The following CR1 variants were observed in gnomAD, a reference collection of about 807,000 sequenced individuals.
The protein encoded by CR1 is complement receptor type 1.
A neutral mutation model predicts 187.3 loss-of-function variants in CR1; 116 were observed. The observed-to-expected ratio is 0.62, with a 90% CI of 0.53 to 0.72. The LOEUF is 0.72. Among genes scored for constraint, CR1 ranks in the 30% least tolerant of loss-of-function variants. CR1 has a pLI of 0.00. For synonymous variants in CR1, 576 were observed against 747.1 expected (o/e 0.77, Z 3.73); for missense variants, 1,731 against 2,110.7 (o/e 0.82, Z 3.52).
Position 207,588,737 on chromosome 1 carries a change from C to T in CR1, c.5773C>T (p.Gln1925Ter), listed in dbSNP as rs756008385. The T allele has an allele frequency of 1.3e-5, 21 of 1,611,944 alleles. No individual in the cohort carries two copies. The South Asian group carries it at 2.3e-4, about 18-fold the overall frequency. Residue 1925 changes from glutamine to a stop codon, truncating the protein, a stop_gained, in exon 35 of 47, where the codon CAG (glutamine) becomes TAG (stop). Coordinates refer to ENST00000367049, the MANE Select transcript of CR1 (RefSeq NM_000651.6). LOFTEE classifies it high-confidence loss of function. The part of the protein sequence containing the change: ...NGMVHINTDT[Q>*]FGSTVNYSCN... ...AATGGTGCATATAAACACAGATACA[C>T]AGTTTGGATCAACAGTTAATTATTC...
At chr1:207,628,432 C>T (rs1311764017) in intron 45 of CR1, among the ~76,000 whole-genome samples, 1 of 152,144 alleles carries the variant, frequency 6.6e-6, no homozygotes, top group Non-Finnish European at 1.5e-5. Flanking sequence ...AAAGAGTTAA[C>T]ATGTTTATTT....
At chr1:207,517,316 T>C (rs539853549) in intron 4 of CR1, among the ~76,000 whole-genome samples, 1 of 152,210 alleles carries the variant, frequency 6.6e-6, no homozygotes, top group East Asian at 1.9e-4. Context: ...ATATTTTTAT[T>C]GTAACATTGT....
chr1:207,600,308 T>C (rs1272859225), intron 35 of CR1, among the ~76,000 whole-genome samples: 1 of 152,184 alleles, frequency 6.6e-6, no homozygotes, highest in Non-Finnish European at 1.5e-5. Context: ...TAATAATAGT[T>C]GAAAACTTCA....
intron 44 of CR1, 53 bp downstream of exon 44, chr1:207,622,049 A>G (rs1160037434): frequency 3.6e-6 from 5 of 1,401,852 alleles, no homozygotes; most frequent in Non-Finnish European, 5.0e-6. Flanking sequence ...AACAGTAAGT[A>G]CCTACCTATA....
intron 5 of CR1, among the ~76,000 whole-genome samples, chr1:207,526,505 T>C (rs547179767): frequency 6.6e-6 from 1 of 151,398 alleles, no homozygotes; most frequent in Admixed American, 6.5e-5. Flanking sequence ...CTTAGTTGCA[T>C]ACTTTAGATG....
At chr1:207,628,442 T>C (rs1662545907) in intron 45 of CR1, among the ~76,000 whole-genome samples, 1 of 152,234 alleles carries the variant, frequency 6.6e-6, no homozygotes. Flanking sequence ...CATGTTTATT[T>C]ATAGGTTTAT....
At chr1:207,609,091 T>C (rs866824997) in intron 36 of CR1, among the ~76,000 whole-genome samples, 199 bp from the exon 37 acceptor site, 5 of 152,132 alleles carry the variant, frequency 3.3e-5, no homozygotes, top group African/African-American at 1.2e-4. Context: ...TTGTGAAATA[T>C]GAGCAGAACC....
intron 35 of CR1, among the ~76,000 whole-genome samples, chr1:207,594,413 T>C (rs1196253460): frequency 6.6e-6 from 1 of 152,044 alleles, no homozygotes; most frequent in African/African-American, 2.4e-5. Context: ...TGAGAACACA[T>C]GGACACACCG....
chr1:207,632,376 G>T (rs190987919), intron 46 of CR1, among the ~76,000 whole-genome samples: 20 of 152,214 alleles, frequency 1.3e-4, no homozygotes, highest in Non-Finnish European at 2.2e-4. Context: ...TGGTTTCCTA[G>T]AGAATATATT....
rs181539281 is a variant in CR1, at chr1:207,621,768, G to A, written c.7253-205G>A. On this transcript the variant is annotated intron_variant, in intron 43 of 46. Coordinates refer to ENST00000367049, the MANE Select transcript of CR1 (RefSeq NM_000651.6). ...GTATTATAAATTTTCTTCTGTAATT[G>A]TATTAATAATAATTTTTAAAAGTCT... 1.8e-3 allele frequency among the ~76,000 whole-genome samples: 271 copies of A among 152,280 alleles called. 1 individual carries two copies. The highest frequency in any genetic ancestry group is 6.3e-3 in the African/African-American group (262 of 41,556).
intron 35 of CR1, among the ~76,000 whole-genome samples, chr1:207,590,760 G>A (rs530665874): frequency 2.0e-5 from 3 of 152,206 alleles, no homozygotes; most frequent in Non-Finnish European, 4.4e-5. Flanking sequence ...TAAAGGGATG[G>A]AGGAATATTT....
chr1:207,639,381 C>T lies in CR1; in HGVS notation c.7458-16C>T, dbSNP rs753690009. On this transcript the variant is annotated splice_polypyrimidine_tract_variant and intron_variant, in intron 46 of 46. Coordinates refer to ENST00000367049, the MANE Select transcript of CR1 (RefSeq NM_000651.6). ...TACCATGCTGTTAATTAAATGAAAA[C>T]ATCCTGTTATTTCAGGGTCCTTCCT... The T allele has an allele frequency of 1.1e-5, 18 of 1,596,260 alleles. No homozygotes were observed. The highest frequency in any genetic ancestry group is 3.5e-5 in the Admixed American group (2 of 57,784).
chr1:207,614,359 G>C (rs542297362), intron 39 of CR1, 45 bp from the exon 40 acceptor site: 150 of 1,456,228 alleles, frequency 1.0e-4, no homozygotes, highest in African/African-American at 3.9e-4. Flanking sequence ...TCAAGGGAGA[G>C]ATGGGAATTG....
chr1:207,581,200 A>ACG (rs1660929340), intron 31 of CR1, among the ~76,000 whole-genome samples: 1 of 150,466 alleles, frequency 6.6e-6, no homozygotes, highest in African/African-American at 2.5e-5. Context: ...GGACACGTAT[A>ACG]TGTAGACGTA....
intron 5 of CR1, among the ~76,000 whole-genome samples, chr1:207,525,281 T>A (rs1014356752): frequency 3.3e-5 from 5 of 151,290 alleles, no homozygotes; most frequent in African/African-American, 7.4e-5. Context: ...AGCTAATAGG[T>A]CACAAAAATG....
chr1:207,614,276 C>T, intron 39 of CR1, 128 bp from the exon 40 acceptor site: 2 of 718,346 alleles, frequency 2.8e-6, no homozygotes, highest in South Asian at 1.5e-5. Flanking sequence ...TTAGCTGGGC[C>T]TGAACCTAAG....
At chr1:207,620,261 G>T (rs1662275858) in intron 43 of CR1, among the ~76,000 whole-genome samples, 196 bp downstream of exon 43, 1 of 152,160 alleles carries the variant, frequency 6.6e-6, no homozygotes, top group Non-Finnish European at 1.5e-5. Context: ...ACTTCTCACT[G>T]CAGCTCTGCA....
At chr1:207,607,463 T>A in intron 36 of CR1, 127 bp downstream of exon 36, 1 of 681,030 alleles carries the variant, frequency 1.5e-6, no homozygotes, top group East Asian at 2.6e-5. Flanking sequence ...AGGAGTCAGA[T>A]GCTTCATGGT....
chr1:207,568,559 G>A (rs1262767109), intron 25 of CR1, among the ~76,000 whole-genome samples: 1 of 2,336 alleles, frequency 4.3e-4, no homozygotes, highest in Non-Finnish European at 8.1e-4. Context: ...TTAGCTGAGC[G>A]TGGTGGCAAT....
Sources: gnomAD v4.1 joint callset for allele counts (sites outside exome capture counted in the v4.1 genomes callset) on GRCh38, gnomAD v4.1.1 for gene constraint, MANE v1.5 for transcripts, NCBI Gene and HGNC (gene_info 2026-07-23, HGNC 2026-07-21) for gene names.